UBALD1: variants seen among roughly 807,000 people sequenced by gnomAD.
The protein encoded by UBALD1 is UBA-like domain-containing protein 1.
UBALD1 carries 5 observed loss-of-function variants against 16.1 expected under a neutral mutation model. That is an observed-to-expected ratio of 0.31 (90% confidence interval 0.16 to 0.66). UBALD1 has a LOEUF of 0.66. Among genes scored for constraint, UBALD1 ranks in the 30% least tolerant of loss-of-function variants. The pLI, the probability that UBALD1 is intolerant of heterozygous loss-of-function variation, is 0.77. For missense variants in UBALD1, 220 were observed against 252.8 expected, an observed-to-expected ratio of 0.87 and a Z score of 0.88; for synonymous variants, 146 against 105.3, an observed-to-expected ratio of 1.39 and a Z score of -2.37.
rs560019884 is a variant in UBALD1 at position 4,609,427 on chromosome 16, G to A, written c.*206C>T. 6.5e-5 allele frequency: 26 copies of A among 397,994 alleles called. No homozygotes were observed. Among genetic ancestry groups the A allele is most frequent in the Non-Finnish European group, 1.1e-4 (25 of 226,506 alleles). The allele number at this position is 397,994 out of a possible 1,614,324, so 24.7% of individuals were successfully genotyped here. A position where few individuals can be genotyped will look rare whatever the true frequency, so the allele number is the denominator to read the frequency against. The stretch of plus-strand genomic sequence containing the variant: ...GCCGCGCTGAACCACTCCATGTGCC[G>A]GGGCCGCTGGGGCCATGACCTTGCG... On this transcript the variant is annotated 3_prime_UTR_variant, in exon 3 of 3. Transcript: ENST00000283474.
At chr16:4,612,317 C>T (rs1451105582) in intron 1 of UBALD1, among the ~76,000 whole-genome samples, 1 of 152,114 alleles carries the variant, frequency 6.6e-6, no homozygotes, top group South Asian at 2.1e-4. Context: ...CCACCTTGGC[C>T]TCCCAAAGTG....
chr16:4,612,262 C>G (rs1267182504), intron 1 of UBALD1, among the ~76,000 whole-genome samples: 1 of 152,110 alleles, frequency 6.6e-6, no homozygotes, highest in East Asian at 1.9e-4. Context: ...TGGGGTTTCA[C>G]CATGTTGGCC....
chr16:4,609,038 C>A lies in UBALD1; in HGVS notation c.*595G>T, dbSNP rs1283649271. ...GAGTTTCCCACAATCCTTTTCTCTG[C>A]AAGGAACAGCAACGCTGGCTGACGA... is the stretch of plus-strand genomic sequence containing the variant. On this transcript the variant is annotated 3_prime_UTR_variant, in exon 3 of 3. Coordinates refer to ENST00000283474, the MANE Select transcript of UBALD1 (RefSeq NM_145253.3). The A allele has an allele frequency of 7.7e-6, 1 of 130,466 alleles. No individual in the cohort carries two copies. Among genetic ancestry groups the A allele is most frequent in the East Asian group, 2.2e-4 (1 of 4,508 alleles). 8.1% of individuals were successfully genotyped at this position (130,466 alleles called of 1,614,324 possible). A position where few individuals can be genotyped will look rare whatever the true frequency, so the allele number is the denominator to read the frequency against.
intron 1 of UBALD1, 107 bp from the exon 2 acceptor site, chr16:4,610,662 G>T: frequency 7.8e-7 from 1 of 1,288,280 alleles, no homozygotes; most frequent in Non-Finnish European, 1.1e-6. Flanking sequence ...CTGGACTGCT[G>T]AGTGGGAGGG....
chr16:4,614,854 G>A lies in UBALD1; in HGVS notation c.-57C>T. The A allele has an allele frequency of 5.6e-6, 8 of 1,423,284 alleles. No homozygotes were observed. Among genetic ancestry groups the A allele is most frequent in the African/African-American group, 1.5e-5 (1 of 67,836 alleles). The allele number at this position is 1,423,284 out of a possible 1,614,324, so 88.2% of individuals were successfully genotyped here. The stretch of plus-strand genomic sequence containing the variant: ...TCCTCCGCCCGCGCCTCCGCCTCAC[G>A]CGTCCACCATTAGCGAGCCGGCTCC... On this transcript the variant is annotated 5_prime_UTR_variant, in exon 1 of 3. Coordinates refer to ENST00000283474, the MANE Select transcript of UBALD1 (RefSeq NM_145253.3).
At chr16:4,610,078 G>A (rs774400185) in intron 2 of UBALD1, 95 bp from the exon 3 acceptor site, 28 of 991,224 alleles carry the variant, frequency 2.8e-5, no homozygotes, top group Non-Finnish European at 3.6e-5. Flanking sequence ...GCCCATTCTC[G>A]GAAGGCTCTG....
At chr16:4,613,339 C>T (rs1365593909) in intron 1 of UBALD1, among the ~76,000 whole-genome samples, 1 of 152,166 alleles carries the variant, frequency 6.6e-6, no homozygotes, top group Non-Finnish European at 1.5e-5. Flanking sequence ...GCCAGAGGGA[C>T]AGAGCAGCCT....
chr16:4,609,805 G>A lies in UBALD1; in HGVS notation c.362C>T (p.Ala121Val). ...FPHAATSSSA[A>V]SSWPTAASPP... The stretch of plus-strand genomic sequence containing the variant: ...CGAGGCCGCCGTGGGCCAGCTGGAG[G>A]CCGCAGAGCTGCTGGTGGCGGCATG... The change falls in exon 3 of 3, where the codon GCC becomes GTC. Residue 121 changes from alanine to valine, a missense_variant. Ala to Val is a moderately conservative substitution (Grantham distance 64). Coordinates refer to ENST00000283474, the MANE Select transcript of UBALD1 (RefSeq NM_145253.3). 6.6e-7 allele frequency: 1 copy of A among 1,511,156 alleles called. No homozygotes were observed. The highest frequency in any genetic ancestry group is 8.8e-7 in the Non-Finnish European group (1 of 1,132,050). 93.6% of individuals were successfully genotyped at this position (1,511,156 alleles called of 1,614,324 possible).
Position 4,614,837 on chromosome 16 carries a change from C to T in UBALD1, c.-40G>A. ...GCCCGCTCCGGCCTCCCTCCTCCGC[C>T]CGCGCCTCCGCCTCACGCGTCCACC... On this transcript the variant is annotated 5_prime_UTR_variant, in exon 1 of 3. Transcript: ENST00000283474. The T allele has an allele frequency of 6.9e-7, 1 of 1,455,194 alleles. No homozygotes were observed. Among genetic ancestry groups the T allele is most frequent in the Non-Finnish European group, 9.1e-7 (1 of 1,102,276 alleles). 90.1% of individuals were successfully genotyped at this position (1,455,194 alleles called of 1,614,324 possible). A position where few individuals can be genotyped will look rare whatever the true frequency, so the allele number is the denominator to read the frequency against.
intron 2 of UBALD1, chr16:4,610,246 G>T: frequency 1.4e-6 from 1 of 712,050 alleles, no homozygotes; most frequent in East Asian, 2.7e-5. Context: ...CAGCATCCCC[G>T]GGGGCTGTAG....
Position 4,609,736 on chromosome 16 carries a change from C to G in UBALD1, c.431G>C (p.Trp144Ser). 6.7e-7 allele frequency: 1 copy of G among 1,502,170 alleles called. No individual in the cohort carries two copies. Among genetic ancestry groups the G allele is most frequent in the South Asian group, 1.4e-5 (1 of 74,008 alleles). The allele number at this position is 1,502,170 out of a possible 1,614,324, so 93.1% of individuals were successfully genotyped here. ...AGCCGGAGAAGGGGGTGTTGGAGTC[C>G]ACAGGGGCGGCTGTGGCTGGTGGTG... Reference protein sequence around the residue: ...PQHHQPQPPLWTPTPPSPASD... With the variant: ...PQHHQPQPPLSTPTPPSPASD... The change falls in exon 3 of 3, where the codon TGG (tryptophan) becomes TCG (serine). Residue 144 changes from tryptophan (W) to serine (S), a missense_variant. Physicochemically the swap from Trp to Ser is radical, Grantham distance 177. Transcript: ENST00000283474.
At chr16:4,612,353 T>C (rs948584309) in intron 1 of UBALD1, among the ~76,000 whole-genome samples, 1 of 152,058 alleles carries the variant, frequency 6.6e-6, no homozygotes, top group African/African-American at 2.4e-5. Flanking sequence ...TGAACCACCG[T>C]GCCCGGCAAA....
chr16:4,614,479 G>A, intron 1 of UBALD1, 199 bp downstream of exon 1: 4 of 844,718 alleles, frequency 4.7e-6, no homozygotes, highest in Non-Finnish European at 6.6e-6. Context: ...CCCGACCGGT[G>A]GCCCGGTTCC....
In UBALD1 at chr16:4,609,658, T is replaced by C; in HGVS notation, c.509A>G (p.His170Arg). 1 of 1,411,644 alleles carries C rather than the reference T, an allele frequency of 7.1e-7. No homozygotes were observed. The highest frequency in any genetic ancestry group is 9.3e-7 in the Non-Finnish European group (1 of 1,080,660). The allele number at this position is 1,411,644 out of a possible 1,614,324, so 87.4% of individuals were successfully genotyped here. Residue 170 changes from histidine (H) to arginine (R), a missense_variant, in exon 3 of 3, where the codon CAC becomes CGC. His to Arg is a conservative substitution (Grantham distance 29). Coordinates refer to ENST00000283474, the MANE Select transcript of UBALD1 (RefSeq NM_145253.3). ...TTATCTCTCTGCCTCCATGGCAGGG[T>C]GGGCCCTGGGTTCTGAGGTGGCCTG... ...PQQATSEPRA[H>R]PAMEAER
intron 1 of UBALD1, chr16:4,614,441 A>C: frequency 5.9e-6 from 3 of 509,564 alleles, no homozygotes; most frequent in East Asian, 7.5e-5. Flanking sequence ...ATCCCGGGGG[A>C]CTCGCGGCCC....
At position 4,609,981 on chromosome 16, in the gene UBALD1, C is replaced by A; in HGVS notation, c.186G>T (p.Met62Ile). 6.4e-7 allele frequency: 1 copy of A among 1,574,024 alleles called. No individual in the cohort carries two copies. The highest frequency in any genetic ancestry group is 8.6e-7 in the Non-Finnish European group (1 of 1,158,090). Residue 62 changes from methionine (M) to isoleucine (I), a missense_variant and splice_region_variant, in exon 3 of 3, where the codon ATG becomes ATT. Met to Ile is a conservative substitution (Grantham distance 10). Transcript: ENST00000283474. ...TAGCAGGGGTATTGGCGGGGGTGCA[C>A]ATCTGTGAGGGGAAGAGAGGAGAGA... ...IPYSHHHHQM[M>I]CTPANTPATP...
chr16:4,614,280 C>A (rs533364172), intron 1 of UBALD1: 41 of 355,848 alleles, frequency 1.2e-4, no homozygotes, highest in Non-Finnish European at 1.7e-4. Context: ...TCGGACCACT[C>A]GCCCGGAGCG....
At chr16:4,611,163 G>A (rs983666241) in intron 1 of UBALD1, 1 of 156,382 alleles carries the variant, frequency 6.4e-6, no homozygotes, top group African/African-American at 2.4e-5. Context: ...CCACAAAGAG[G>A]TTCGACTAGG....
Position 4,609,935 on chromosome 16 carries a change from C to T in UBALD1, c.232G>A (p.Ala78Thr), listed in dbSNP as rs773117422. The T allele has an allele frequency of 6.4e-6, 10 of 1,564,862 alleles. No individual in the cohort carries two copies. In the Middle Eastern group the frequency reaches 8.4e-4, roughly 132 times the overall value. Residue 78 changes from alanine to threonine, a missense_variant, in exon 3 of 3, where the codon GCT (alanine) becomes ACT (threonine). By Grantham distance (58) the Ala-to-Thr change is moderately conservative. This residue lies in a region of UBALD1 where 69 missense variants were observed against 120.3 expected (regional missense o/e 0.57). Coordinates refer to ENST00000283474, the MANE Select transcript of UBALD1 (RefSeq NM_145253.3). ...TTGAGACGGGAGAACATGGTGAGAG[C>T]GTCAGGGAAGTTGGGGGGTGTAGCA... ...TPATPPNFPD[A>T]LTMFSRLKAS...
Sources: allele counts gnomAD v4.1 joint callset (sites outside exome capture counted in the v4.1 genomes callset), GRCh38; gene constraint gnomAD v4.1.1; regional missense constraint gnomAD v4.1.1; transcripts MANE v1.5; gene names NCBI Gene and HGNC (gene_info 2026-07-23, HGNC 2026-07-21).